The following AASS variants were observed in gnomAD, a reference collection of about 807,000 sequenced individuals.
AASS encodes aminoadipate-semialdehyde synthase.
In AASS, 86 loss-of-function variants were observed where a neutral mutation model predicts 105.4. The observed-to-expected ratio is 0.82, with a 90% confidence interval of 0.69 to 0.98. The LOEUF is 0.98. AASS is among the 50% of genes least tolerant of loss of function. AASS has a pLI of 0.00. For missense variants in AASS, 1,048 were observed against 1,143.2 expected (o/e 0.92, Z 1.20); for synonymous variants, 381 against 394.8 (o/e 0.96, Z 0.41).
At chr7:122,083,227 C>T (rs892208178) in intron 19 of AASS, among the ~76,000 whole-genome samples, 1 of 152,136 alleles carries the variant, frequency 6.6e-6, no homozygotes, top group African/African-American at 2.4e-5. Flanking sequence ...AAAGAATTCT[C>T]ATTTGCTCTA....
chr7:122,101,874 T>C (rs1198356169), intron 11 of AASS, among the ~76,000 whole-genome samples, 194 bp from the exon 12 acceptor site: 1 of 151,898 alleles, frequency 6.6e-6, no homozygotes, highest in African/African-American at 2.4e-5. Context: ...GACTATGGTG[T>C]TTCAGCACAA....
intron 11 of AASS, among the ~76,000 whole-genome samples, chr7:122,103,393 C>G (rs1794522591): frequency 6.6e-6 from 1 of 151,986 alleles, no homozygotes; most frequent in Non-Finnish European, 1.5e-5. Context: ...AAGAAATAAA[C>G]TCTTTCCCAG....
intron 11 of AASS, 52 bp from the exon 12 acceptor site, chr7:122,101,732 T>G (rs1328529743): frequency 7.5e-7 from 1 of 1,328,904 alleles, no homozygotes; most frequent in Admixed American, 1.7e-5. Context: ...AAAGAAGGCC[T>G]CTTGGTGTTT....
chr7:122,124,308 A>T (rs564998134), intron 4 of AASS, among the ~76,000 whole-genome samples: 7 of 151,956 alleles, frequency 4.6e-5, no homozygotes, highest in Non-Finnish European at 7.4e-5. Context: ...TTTGAGATGG[A>T]GTCTTATTCT....
chr7:122,088,669 A>C (rs1296842656), intron 18 of AASS, among the ~76,000 whole-genome samples: 4 of 152,142 alleles, frequency 2.6e-5, no homozygotes, highest in African/African-American at 9.7e-5. Flanking sequence ...TGGGTGCTGC[A>C]GTCAAGGTGG....
rs372042896 is a variant in AASS, at chr7:122,133,487, T to C, written c.210+30A>G. ...AATTTTCATATGCAGGTTCATTTTA[T>C]TCTCACATAAAAATATTGGAAATAC... is the stretch of plus-strand genomic sequence containing the variant. On this transcript the variant is annotated intron_variant, in intron 2 of 23. Transcript: ENST00000417368. 2.7e-5 allele frequency: 44 copies of C among 1,610,212 alleles called. 1 individual carries two copies. The highest frequency in any genetic ancestry group is 3.7e-5 in the Non-Finnish European group (44 of 1,176,616).
At chr7:122,108,795 G>A (rs1794791260) in intron 11 of AASS, among the ~76,000 whole-genome samples, 1 of 151,610 alleles carries the variant, frequency 6.6e-6, no homozygotes, top group Non-Finnish European at 1.5e-5. Flanking sequence ...CATAGTACTG[G>A]ATGTTCTAGT....
At chr7:122,078,136 A>G (rs1294917552) in intron 22 of AASS, 122 bp from the exon 23 acceptor site, 1 of 917,140 alleles carries the variant, frequency 1.1e-6, no homozygotes, top group South Asian at 1.4e-5. Flanking sequence ...ATCACTAGAC[A>G]ATTATTTACA....
intron 23 of AASS, 122 bp downstream of exon 23, chr7:122,077,716 T>G: frequency 7.7e-7 from 1 of 1,292,376 alleles, no homozygotes; most frequent in East Asian, 2.3e-5. Flanking sequence ...TTGGATCTTC[T>G]AAGATGGTTC....
At chr7:122,109,009 A>G (rs989171730) in intron 11 of AASS, among the ~76,000 whole-genome samples, 2 of 152,042 alleles carry the variant, frequency 1.3e-5, no homozygotes, top group African/African-American at 2.4e-5. Flanking sequence ...CTATATGCCA[A>G]CTGTGAACAA....
At chr7:122,082,118 T>C (rs1277572036) in intron 19 of AASS, among the ~76,000 whole-genome samples, 2 of 152,026 alleles carry the variant, frequency 1.3e-5, no homozygotes, top group African/African-American at 2.4e-5. Flanking sequence ...CCAAGATATA[T>C]GGAGAGCAGA....
At chr7:122,100,365 G>T (rs1412066336) in intron 13 of AASS, among the ~76,000 whole-genome samples, 1 of 151,830 alleles carries the variant, frequency 6.6e-6, no homozygotes, top group South Asian at 2.1e-4. Flanking sequence ...AGTTTTACTT[G>T]TAAGAAACTC....
intron 19 of AASS, among the ~76,000 whole-genome samples, chr7:122,084,020 T>C (rs1172578313): frequency 6.6e-6 from 1 of 152,154 alleles, no homozygotes; most frequent in Non-Finnish European, 1.5e-5. Context: ...TTTAAATCTA[T>C]TAAAATCCTT....
At chr7:122,143,148 T>C (rs1796478886) in intron 1 of AASS, among the ~76,000 whole-genome samples, 2 of 151,884 alleles carry the variant, frequency 1.3e-5, no homozygotes, top group South Asian at 4.2e-4. Context: ...GCCATCAGTG[T>C]TTTGGGATTT....
intron 1 of AASS, among the ~76,000 whole-genome samples, chr7:122,138,154 C>T (rs779317624): frequency 1.3e-5 from 2 of 152,106 alleles, no homozygotes; most frequent in Non-Finnish European, 2.9e-5. Flanking sequence ...TAAAACAGAA[C>T]ACCACTAAGG....
chr7:122,108,654 GCATACAGGGTA>G, intron 11 of AASS, among the ~76,000 whole-genome samples: 1 of 151,878 alleles, frequency 6.6e-6, no homozygotes, highest in East Asian at 1.9e-4. Flanking sequence ...ATCAAATTTG[GCATACAGGGTA>G]CATACCTCAA....
chr7:122,085,900 G>A (rs1793600773), intron 19 of AASS, 112 bp downstream of exon 19: 2 of 1,159,592 alleles, frequency 1.7e-6, no homozygotes, highest in Admixed American at 1.8e-5. Flanking sequence ...TGAAAAAATA[G>A]ACTCCAACTT....
At chr7:122,118,499 T>A (rs200375562) in intron 5 of AASS, 46 bp from the exon 6 acceptor site, 3 of 1,611,116 alleles carry the variant, frequency 1.9e-6, no homozygotes, top group Admixed American at 1.7e-5. Flanking sequence ...CAGCTCAGCA[T>A]TTTTTTTATT....
chr7:122,137,438 C>T (rs1474139420), intron 1 of AASS, among the ~76,000 whole-genome samples: 1 of 152,186 alleles, frequency 6.6e-6, no homozygotes, highest in African/African-American at 2.4e-5. Flanking sequence ...TTGCCTTCAA[C>T]AGTCACAGTG....
Sources: gnomAD v4.1 joint callset for allele counts (sites outside exome capture counted in the v4.1 genomes callset) on GRCh38, gnomAD v4.1.1 for gene constraint, MANE v1.5 for transcripts, NCBI Gene and HGNC (gene_info 2026-07-23, HGNC 2026-07-21) for gene names.